Variants in TNRC6A observed in about 807,000 individuals in gnomAD.
TNRC6A encodes the protein trinucleotide repeat containing adaptor 6A.
A neutral mutation model predicts 221.2 loss-of-function variants in TNRC6A; 44 were observed. That is an observed-to-expected ratio of 0.20 (90% CI 0.16 to 0.26). The LOEUF (loss-of-function observed/expected upper bound fraction) is 0.26, where lower values mean the gene tolerates loss of function less well. Among genes scored for constraint, TNRC6A ranks in the 10% least tolerant of loss-of-function variants. The probability of loss-of-function intolerance (pLI) is 1.00; values close to 1 mark genes in which losing one functional copy is unlikely to be tolerated. For synonymous variants in TNRC6A, 847 were observed against 838.5 expected, an observed-to-expected ratio of 1.01 and a Z score of -0.18; for missense variants, 2,199 against 2,404.4, an observed-to-expected ratio of 0.91 and a Z score of 1.79.
At chr16:24,669,941 CTTTTTTTTTTT>C (rs535737725) in intron 2 of TNRC6A, among the ~76,000 whole-genome samples, 12 of 27,162 alleles carry the variant, frequency 4.4e-4, no homozygotes, top group Non-Finnish European at 6.0e-4. Flanking sequence ...GAGGCAGCTA[CTTTTTTTTTTT>C]TTTTTTTTTT....
intron 19 of TNRC6A, 136 bp from the exon 20 acceptor site, chr16:24,816,680 T>G (rs896094707): frequency 9.6e-7 from 1 of 1,043,826 alleles, no homozygotes; most frequent in Non-Finnish European, 1.4e-6. Flanking sequence ...AACTGAACCA[T>G]CCTCTTAGAG....
At chr16:24,786,603 C>T (rs113043429) in intron 5 of TNRC6A, among the ~76,000 whole-genome samples, 6,302 of 152,180 alleles carry the variant, frequency 0.041, 154 homozygotes, top group Non-Finnish European at 0.064. Context: ...CGTGAACCAT[C>T]ACGCCTGGCC....
chr16:24,734,505 G>A (rs2056717982), intron 2 of TNRC6A, among the ~76,000 whole-genome samples: 1 of 152,144 alleles, frequency 6.6e-6, no homozygotes, highest in African/African-American at 2.4e-5. Flanking sequence ...TTTAGAGCTG[G>A]ACTATGACTT....
intron 2 of TNRC6A, among the ~76,000 whole-genome samples, chr16:24,655,417 G>C (rs1053942752): frequency 1.3e-5 from 2 of 151,820 alleles, no homozygotes; most frequent in Admixed American, 6.6e-5. Flanking sequence ...GGCCAAGCAT[G>C]GTGGCTCATG....
intron 14 of TNRC6A, 167 bp from the exon 15 acceptor site, chr16:24,805,438 G>A (rs1455610128): frequency 9.4e-6 from 10 of 1,061,184 alleles, no homozygotes; most frequent in East Asian, 2.5e-5. Context: ...CTTAACCCAC[G>A]AAAAAGTGTA....
Position 24,805,710 on chromosome 16 carries a change from C to G in TNRC6A, c.4228C>G (p.Leu1410Val). ...MLNQLSQLNQLSQISQLQRLL... is the reference protein window; with the variant it reads ...MLNQLSQLNQVSQISQLQRLL... ...GAACCAGCTATCCCAGCTAAACCAG[C>G]TTTCTCAGATCTCCCAGTTACAGGT... Residue 1410 changes from leucine to valine, a missense_variant, in exon 15 of 25, where the codon CTT becomes GTT. Leu to Val is a conservative substitution (Grantham distance 32). Transcript: ENST00000395799. 1 of 1,614,232 alleles carries G rather than the reference C, an allele frequency of 6.2e-7. No homozygotes were observed. The highest frequency in any genetic ancestry group is 1.6e-4 in the Middle Eastern group (1 of 6,062).
At chr16:24,638,703 G>A (rs565820841) in intron 1 of TNRC6A, among the ~76,000 whole-genome samples, 3 of 133,830 alleles carry the variant, frequency 2.2e-5, no homozygotes, top group Non-Finnish European at 4.7e-5. Flanking sequence ...ACAGAGCAAG[G>A]TTGTCTCAAA....
At chr16:24,784,440 C>T (rs927760035) in intron 5 of TNRC6A, among the ~76,000 whole-genome samples, 1 of 152,216 alleles carries the variant, frequency 6.6e-6, no homozygotes, top group African/African-American at 2.4e-5. Context: ...CTTTCTGCCT[C>T]AGCCTCTTAA....
chr16:24,649,725 G>T (rs1240979469), intron 2 of TNRC6A, among the ~76,000 whole-genome samples: 1 of 149,694 alleles, frequency 6.7e-6, no homozygotes, highest in African/African-American at 2.5e-5. Flanking sequence ...TACATCTCTT[G>T]AACTTATTCC....
At chr16:24,771,541 TATG>T (rs770640790) in intron 4 of TNRC6A, among the ~76,000 whole-genome samples, 9 of 94,952 alleles carry the variant, frequency 9.5e-5, no homozygotes, top group Non-Finnish European at 1.6e-4. Flanking sequence ...TATGTTATGT[TATG>T]TTATGTTATG....
At chr16:24,712,705 G>A (rs2056227127) in intron 2 of TNRC6A, among the ~76,000 whole-genome samples, 1 of 152,068 alleles carries the variant, frequency 6.6e-6, no homozygotes, top group African/African-American at 2.4e-5. Context: ...ACAATCTGCT[G>A]GTGACCATTC....
chr16:24,761,228 T>C (rs538426478), intron 4 of TNRC6A, among the ~76,000 whole-genome samples: 3 of 152,192 alleles, frequency 2.0e-5, no homozygotes, highest in Non-Finnish European at 4.4e-5. Flanking sequence ...AGCTCTAAAG[T>C]GTAATGGGCA....
intron 4 of TNRC6A, among the ~76,000 whole-genome samples, chr16:24,774,219 A>G (rs532645761): frequency 1.6e-4 from 24 of 151,798 alleles, no homozygotes; most frequent in Middle Eastern, 6.8e-3. Flanking sequence ...TTACCTAGCA[A>G]CCCCCACCTA....
chr16:24,781,643 A>G (rs1458197909), intron 5 of TNRC6A, among the ~76,000 whole-genome samples: 2 of 152,172 alleles, frequency 1.3e-5, no homozygotes, highest in East Asian at 3.9e-4. Flanking sequence ...AAAACTCAGT[A>G]TGTCCAAACT....
At chr16:24,623,821 G>A (rs1312043986) in intron 1 of TNRC6A, among the ~76,000 whole-genome samples, 5 of 138,012 alleles carry the variant, frequency 3.6e-5, no homozygotes, top group Non-Finnish European at 7.6e-5. Context: ...AGGATTGGTT[G>A]AGCCCAGGAG....
At chr16:24,745,149 T>A (rs1235107458) in intron 2 of TNRC6A, among the ~76,000 whole-genome samples, 1 of 152,226 alleles carries the variant, frequency 6.6e-6, no homozygotes, top group Non-Finnish European at 1.5e-5. Flanking sequence ...TTGTCCTTAC[T>A]TTAAAAAATA....
chr16:24,816,890 A>G lies in TNRC6A; in HGVS notation c.4906A>G (p.Ser1636Gly). 6.2e-7 allele frequency: 1 copy of G among 1,614,236 alleles called. No individual in the cohort carries two copies. The highest frequency in any genetic ancestry group is 8.5e-7 in the Non-Finnish European group (1 of 1,180,044). The change falls in exon 20 of 25, where the codon AGT (serine) becomes GGT (glycine). Residue 1636 changes from serine to glycine, a missense_variant. Ser to Gly is a moderately conservative substitution (Grantham distance 56). This residue lies in a region of TNRC6A where 449 missense variants were observed against 579.7 expected (regional missense o/e 0.77). Transcript: ENST00000395799. ...PETDPYVTPGSVINNLSINTV... is the reference protein window; with the variant it reads ...PETDPYVTPGGVINNLSINTV... Reference sequence around the variant, plus strand: ...AACTGACCCTTACGTCACTCCTGGCAGTGTCATAAACAATCTTTCAATTAA... The same window carrying G: ...AACTGACCCTTACGTCACTCCTGGCGGTGTCATAAACAATCTTTCAATTAA...
Position 24,791,569 on chromosome 16 carries a change from C to T in TNRC6A, c.2927C>T (p.Pro976Leu). 1.3e-6 allele frequency: 2 copies of T among 1,571,720 alleles called. No homozygotes were observed. The highest frequency in any genetic ancestry group is 8.6e-7 in the Non-Finnish European group (1 of 1,162,554). The change falls in exon 6 of 25, where the codon CCA becomes CTA. Residue 976 changes from proline (P) to leucine (L), a missense_variant. Transcript: ENST00000395799. ...ACAGGCTGGCTGGGGGGACCTATAC[C>T]AGCCCCAGCAAAAGAAGAAGAACCC... is the stretch of plus-strand genomic sequence containing the variant. ...PGTGWLGGPI[P>L]APAKEEEPTG...
intron 2 of TNRC6A, among the ~76,000 whole-genome samples, chr16:24,702,588 T>G (rs2056008473): frequency 6.6e-6 from 1 of 152,094 alleles, no homozygotes; most frequent in Non-Finnish European, 1.5e-5. Context: ...TTTTGAGAAA[T>G]AATTCACATA....
Sources: gnomAD v4.1 joint callset for allele counts (sites outside exome capture counted in the v4.1 genomes callset) on GRCh38, gnomAD v4.1.1 for gene constraint, gnomAD v4.1.1 regional missense constraint, MANE v1.5 for transcripts, NCBI Gene and HGNC (gene_info 2026-07-23, HGNC 2026-07-21) for gene names.